Variants in CCDC91 observed in about 807,000 individuals in gnomAD.
The protein encoded by CCDC91 is coiled-coil domain-containing protein 91.
CCDC91 carries 48 observed loss-of-function variants against 63.2 expected under a neutral mutation model. The ratio of observed to expected loss-of-function variants is 0.76; its 90% confidence interval spans 0.60 to 0.97. The LOEUF (loss-of-function observed/expected upper bound fraction) is 0.97, where lower values mean the gene tolerates loss of function less well. Among genes scored for constraint, CCDC91 ranks in the 50% least tolerant of loss-of-function variants. The probability of loss-of-function intolerance (pLI) is 0.00; values close to 1 mark genes in which losing one functional copy is unlikely to be tolerated. For missense variants in CCDC91, 500 were observed against 494.6 expected (o/e 1.01, Z -0.10); for synonymous variants, 167 against 165.8 (o/e 1.01, Z -0.06).
At chr12:28,381,719 T>C (rs1457388700) in intron 7 of CCDC91, among the ~76,000 whole-genome samples, 1 of 152,166 alleles carries the variant, frequency 6.6e-6, no homozygotes, top group African/African-American at 2.4e-5. Flanking sequence ...ATTTTTTTGA[T>C]AATTTTGTAA....
intron 12 of CCDC91, among the ~76,000 whole-genome samples, chr12:28,507,941 C>G (rs1004757287): frequency 1.3e-5 from 2 of 151,840 alleles, no homozygotes; most frequent in Non-Finnish European, 2.9e-5. Context: ...GGTTGAATCA[C>G]CTTGGGGAAA....
intron 8 of CCDC91, among the ~76,000 whole-genome samples, chr12:28,448,033 A>G (rs1235518473): frequency 6.6e-6 from 1 of 152,132 alleles, no homozygotes; most frequent in Admixed American, 6.5e-5. Flanking sequence ...GCCTTACTTG[A>G]CATACGGATT....
intron 6 of CCDC91, among the ~76,000 whole-genome samples, chr12:28,328,132 T>C (rs1941182994): frequency 6.6e-6 from 1 of 152,180 alleles, no homozygotes; most frequent in Non-Finnish European, 1.5e-5. Flanking sequence ...TCTCTAAGAA[T>C]ACAGGAAAAA....
chr12:28,460,967 A>G (rs1480457782), intron 11 of CCDC91, among the ~76,000 whole-genome samples: 1 of 152,018 alleles, frequency 6.6e-6, no homozygotes, highest in East Asian at 1.9e-4. Flanking sequence ...CATAGAGTGT[A>G]CTTCTAGAAA....
At chr12:28,290,549 A>T (rs1334601732) in intron 3 of CCDC91, among the ~76,000 whole-genome samples, 2 of 152,126 alleles carry the variant, frequency 1.3e-5, no homozygotes, top group Non-Finnish European at 2.9e-5. Context: ...TGTCATCATG[A>T]TGTTAGCTGT....
At chr12:28,349,826 C>T (rs1202452903) in intron 6 of CCDC91, among the ~76,000 whole-genome samples, 1 of 152,126 alleles carries the variant, frequency 6.6e-6, no homozygotes, top group African/African-American at 2.4e-5. Context: ...AGAGAATAGA[C>T]CCTCATTCCT....
At chr12:28,420,519 A>G (rs1380366363) in intron 8 of CCDC91, among the ~76,000 whole-genome samples, 1 of 152,118 alleles carries the variant, frequency 6.6e-6, no homozygotes, top group Non-Finnish European at 1.5e-5. Flanking sequence ...TAGCTGATTG[A>G]CAGCACATAA....
intron 12 of CCDC91, among the ~76,000 whole-genome samples, chr12:28,507,531 T>C (rs1938880895): frequency 6.6e-6 from 1 of 152,054 alleles, no homozygotes; most frequent in African/African-American, 2.4e-5. Context: ...AAGGGATTTA[T>C]ACAAACTATT....
chr12:28,338,305 A>G (rs1470524543), intron 6 of CCDC91, among the ~76,000 whole-genome samples: 8 of 135,950 alleles, frequency 5.9e-5, no homozygotes, highest in Non-Finnish European at 9.4e-5. Context: ...CCCTAAACTC[A>G]CCCCCATAGT....
intron 8 of CCDC91, among the ~76,000 whole-genome samples, chr12:28,435,871 C>T (rs2140143344): frequency 6.6e-6 from 1 of 151,804 alleles, no homozygotes; most frequent in South Asian, 2.1e-4. Flanking sequence ...CTTTTTATCC[C>T]TGATAATTTA....
chr12:28,496,011 T>C (rs1255458738), intron 12 of CCDC91, among the ~76,000 whole-genome samples: 1 of 151,614 alleles, frequency 6.6e-6, no homozygotes, highest in Non-Finnish European at 1.5e-5. Flanking sequence ...TTTCCTGAGG[T>C]TATATTGTCT....
At chr12:28,366,178 A>G (rs1190905770) in intron 7 of CCDC91, among the ~76,000 whole-genome samples, 1 of 152,152 alleles carries the variant, frequency 6.6e-6, no homozygotes, top group African/African-American at 2.4e-5. Flanking sequence ...TATTTTATAT[A>G]AAAATATAGT....
At chr12:28,276,484 T>C (rs576120767) in intron 3 of CCDC91, among the ~76,000 whole-genome samples, 1 of 152,094 alleles carries the variant, frequency 6.6e-6, no homozygotes, top group Admixed American at 6.6e-5. Context: ...ATTATATGAA[T>C]GGTGGAAAAT....
At chr12:28,548,933 T>C (rs934680340) in intron 12 of CCDC91, 130 bp from the exon 13 acceptor site, 1 of 609,942 alleles carries the variant, frequency 1.6e-6, no homozygotes, top group Non-Finnish European at 3.0e-6. Flanking sequence ...CAGTTGAAAG[T>C]ACTATTTGAT....
At chr12:28,196,357 C>T (rs1351576831) in intron 1 of CCDC91, among the ~76,000 whole-genome samples, 3 of 152,074 alleles carry the variant, frequency 2.0e-5, no homozygotes, top group Admixed American at 6.6e-5. Flanking sequence ...CTCACGAGTT[C>T]GTTCTAGTAG....
chr12:28,303,271 G>A (rs1430031531), intron 3 of CCDC91, among the ~76,000 whole-genome samples: 1 of 152,086 alleles, frequency 6.6e-6, no homozygotes, highest in Admixed American at 6.6e-5. Flanking sequence ...TTTTTGTTAT[G>A]AAGAGAAAGG....
intron 6 of CCDC91, among the ~76,000 whole-genome samples, chr12:28,310,976 A>T (rs11049521): frequency 0.2 from 30,786 of 152,056 alleles, 4,032 homozygotes; most frequent in Non-Finnish European, 0.3. Context: ...TGATGAGTGC[A>T]TTTTAATTTT....
At chr12:28,378,441 T>C (rs1945082659) in intron 7 of CCDC91, among the ~76,000 whole-genome samples, 2 of 152,090 alleles carry the variant, frequency 1.3e-5, no homozygotes, top group Non-Finnish European at 1.5e-5. Flanking sequence ...AGACCAATAT[T>C]TTCCCAGGGT....
chr12:28,399,651 A>G (rs1172600881), intron 8 of CCDC91, among the ~76,000 whole-genome samples: 1 of 152,256 alleles, frequency 6.6e-6, no homozygotes, highest in Non-Finnish European at 1.5e-5. Context: ...CTTCCTAGAT[A>G]CAATGGAGAT....
Sources: gnomAD v4.1 joint callset for allele counts (sites outside exome capture counted in the v4.1 genomes callset) on GRCh38, gnomAD v4.1.1 for gene constraint, MANE v1.5 for transcripts, NCBI Gene and HGNC (gene_info 2026-07-23, HGNC 2026-07-21) for gene names.